Variants in RRM2 observed in about 807,000 individuals in gnomAD.
RRM2 encodes the protein ribonucleoside-diphosphate reductase subunit M2.
A neutral mutation model predicts 45.9 loss-of-function variants in RRM2; 6 were observed. The observed-to-expected ratio is 0.13, with a 90% confidence interval of 0.07 to 0.26. The LOEUF is 0.26. RRM2 is among the 10% of genes least tolerant of loss of function. The pLI, the probability that RRM2 is intolerant of heterozygous loss-of-function variation, is 1.00. For missense variants in RRM2, 343 were observed against 489.5 expected, an observed-to-expected ratio of 0.70 and a Z score of 2.82; for synonymous variants, 177 against 173.0, an observed-to-expected ratio of 1.02 and a Z score of -0.18.
chr2:10,144,973 C>T (rs1663159182), intron 3 of RRM2, among the ~76,000 whole-genome samples: 1 of 152,152 alleles, frequency 6.6e-6, no homozygotes, highest in Non-Finnish European at 1.5e-5. Flanking sequence ...CCGGGAGCCC[C>T]CAAGGCTGCT....
At position 10,171,165 on chromosome 2, in the gene RRM2, G is replaced by T. The variant is rs186341576; in HGVS notation, n.482+28790G>T. ...GGCATCGAGCCTGCGATGGGGCAAC[G>T]TGTGGTGTGGAGGCCATACCCCTCC... On this transcript the variant is annotated intron_variant and non_coding_transcript_variant, in intron 3 of 3. Transcript: ENST00000381786. The surrounding 1 kb of genome is among the most constrained non-coding windows in gnomAD (Gnocchi z 4.1). Among the ~76,000 whole-genome samples, 1 of 152,364 alleles carries T rather than the reference G, an allele frequency of 6.6e-6. No homozygotes were observed. The highest frequency in any genetic ancestry group is 2.4e-5 in the African/African-American group (1 of 41,598).
Position 10,122,855 on chromosome 2 carries a change from C to CTTT in RRM2, c.58_59insTTT (p.Leu19_Ser20insPhe). 1 of 1,601,708 alleles carries CTTT rather than the reference C, an allele frequency of 6.2e-7. No individual in the cohort carries two copies. Among genetic ancestry groups the CTTT allele is most frequent in the Non-Finnish European group, 8.5e-7 (1 of 1,175,916 alleles). On this transcript the variant is annotated inframe_insertion, in exon 1 of 10. Coordinates refer to ENST00000304567, the MANE Select transcript of RRM2 (RefSeq NM_001034.4). ...TCACGGACCCGCAGCAGCTGCAGCT[C>CTTT]TCGCCGCTGAAGGGGCTCAGCTTGG... is the stretch of plus-strand genomic sequence containing the variant.
chr2:10,198,525 T>C (rs569414113), intron 3 of RRM2: 1 of 152,252 alleles, frequency 6.6e-6, no homozygotes, highest in South Asian at 2.1e-4. Context: ...GCTTCAGCTT[T>C]CCAAGTAGCT....
At chr2:10,209,057 C>CTTTCTTTCTTTCTTTCTTTCTTTCTTTCT (rs1048061514) in intron 3 of RRM2, among the ~76,000 whole-genome samples, 23 of 102,514 alleles carry the variant, frequency 2.2e-4, no homozygotes, top group Non-Finnish European at 4.1e-4. Flanking sequence ...TTCTTTCTTT[C>CTTTCTTTCTTTCTTTCTTTCTTTCTTTCT]TTTTTTTTTT....
At chr2:10,123,917 T>C (rs1463632541) in intron 4 of RRM2, 65 bp downstream of exon 4, 3 of 926,230 alleles carry the variant, frequency 3.2e-6, no homozygotes, top group Admixed American at 3.5e-5. Context: ...TAGTTCGCTT[T>C]CCTCGTCTTG....
chr2:10,169,262 G>A lies in RRM2; in HGVS notation n.482+26887G>A, dbSNP rs570899612. 7.2e-5 allele frequency among the ~76,000 whole-genome samples: 11 copies of A among 151,728 alleles called. No individual in the cohort carries two copies. The highest frequency in any genetic ancestry group is 1.7e-4 in the African/African-American group (7 of 41,284). On this transcript the variant is annotated intron_variant and non_coding_transcript_variant, in intron 3 of 3. Coordinates refer to the RRM2 transcript ENST00000381786. The surrounding 1 kb of genome is among the most constrained non-coding windows in gnomAD (Gnocchi z 5.1). ...CACAGTGCTGGGATTACAGGTGTGC[G>A]CCACTGTGCCCAGCTGCTTCTCTTT...
chr2:10,199,779 CAAAA>C (rs796262395), intron 3 of RRM2, among the ~76,000 whole-genome samples: 5 of 14,294 alleles, frequency 3.5e-4, no homozygotes, highest in South Asian at 3.7e-3. Context: ...GACTCAGTCT[CAAAA>C]AAAAAAAAAA....
intron 3 of RRM2, among the ~76,000 whole-genome samples, chr2:10,197,994 ACGCTCCTAAGCACGTC>A (rs1442635403): frequency 6.6e-6 from 1 of 152,132 alleles, no homozygotes; most frequent in East Asian, 1.9e-4. Context: ...CCCTACAAGC[ACGCTCCTAAGCACGTC>A]CGCTCTGTCG....
At chr2:10,157,100 C>A (rs967791448) in intron 3 of RRM2, among the ~76,000 whole-genome samples, 4 of 145,336 alleles carry the variant, frequency 2.8e-5, no homozygotes, top group African/African-American at 1.0e-4. Context: ...GCAATCTCGG[C>A]TCACTGCAAG....
chr2:10,161,966 A>G, intron 3 of RRM2, among the ~76,000 whole-genome samples: 1 of 152,334 alleles, frequency 6.6e-6, no homozygotes, highest in East Asian at 1.9e-4. Flanking sequence ...AGGGGAGAGA[A>G]CAGCCACTAG....
At chr2:10,152,571 C>T (rs375608829) in intron 3 of RRM2, among the ~76,000 whole-genome samples, 2 of 151,402 alleles carry the variant, frequency 1.3e-5, no homozygotes, top group African/African-American at 2.4e-5. Context: ...CAGCTTTGGC[C>T]TCCTGGGCTC....
intron 3 of RRM2, among the ~76,000 whole-genome samples, chr2:10,194,512 C>T (rs1321828988): frequency 1.3e-5 from 2 of 152,230 alleles, no homozygotes; most frequent in Non-Finnish European, 2.9e-5. Context: ...GTGTTACTAA[C>T]GTCCCCCCGT....
chr2:10,208,815 A>G (rs1246658395), intron 3 of RRM2, among the ~76,000 whole-genome samples: 1 of 151,890 alleles, frequency 6.6e-6, no homozygotes, highest in Non-Finnish European at 1.5e-5. Context: ...ACCACAATCC[A>G]CCCAGTGCCA....
At position 10,195,586 on chromosome 2, in the gene RRM2, G is replaced by A. The variant is rs556003358; in HGVS notation, n.483-14725G>A. Among the ~76,000 whole-genome samples, 3 of 152,322 alleles carry A rather than the reference G, an allele frequency of 2.0e-5. No individual in the cohort carries two copies. The highest frequency in any genetic ancestry group is 4.8e-5 in the African/African-American group (2 of 41,582). On this transcript the variant is annotated intron_variant and non_coding_transcript_variant, in intron 3 of 3. Transcript: ENST00000381786. The surrounding 1 kb of genome is among the most constrained non-coding windows in gnomAD (Gnocchi z 4.9). Reference sequence around the variant, plus strand: ...GAGCATCCCAGGCAAAGTGAGCCGCGTTTACCTGGAGACCAAGGGTGGGAA... The same window carrying A: ...GAGCATCCCAGGCAAAGTGAGCCGCATTTACCTGGAGACCAAGGGTGGGAA...
At chr2:10,197,182 G>C (rs1218624233) in intron 3 of RRM2, among the ~76,000 whole-genome samples, 3 of 152,204 alleles carry the variant, frequency 2.0e-5, no homozygotes, top group Non-Finnish European at 2.9e-5. Flanking sequence ...TCCCTCCTTC[G>C]AGTGGGGACA....
At chr2:10,154,237 G>T (rs553662843) in intron 3 of RRM2, among the ~76,000 whole-genome samples, 1 of 152,174 alleles carries the variant, frequency 6.6e-6, no homozygotes, top group African/African-American at 2.4e-5. Flanking sequence ...ACTTTGGGAG[G>T]CCTAGGCGGG....
intron 3 of RRM2, among the ~76,000 whole-genome samples, chr2:10,209,065 T>TTC (rs1664713553): frequency 1.1e-5 from 1 of 91,138 alleles, no homozygotes. Context: ...TTCTTTTTTT[T>TTC]TTTTTTTTGA....
intron 3 of RRM2, among the ~76,000 whole-genome samples, chr2:10,166,635 C>T (rs1169205327): frequency 1.3e-5 from 2 of 152,220 alleles, no homozygotes; most frequent in Non-Finnish European, 2.9e-5. Flanking sequence ...GTCTGCGATG[C>T]GTAGCTAGCA....
At chr2:10,159,209 C>T (rs1041551440) in intron 3 of RRM2, among the ~76,000 whole-genome samples, 3 of 152,098 alleles carry the variant, frequency 2.0e-5, no homozygotes, top group South Asian at 2.1e-4. Context: ...CACCCTTAGC[C>T]CAAAGGCTTG....
Sources: allele counts gnomAD v4.1 joint callset (sites outside exome capture counted in the v4.1 genomes callset), GRCh38; gene constraint gnomAD v4.1.1; non-coding constraint Gnocchi (gnomAD v3.1); transcripts MANE v1.5; gene names NCBI Gene and HGNC (gene_info 2026-07-23, HGNC 2026-07-21).